Variants in AP3D1 observed in about 807,000 individuals in gnomAD.
The protein encoded by AP3D1 is adaptor related protein complex 3 subunit delta 1, also known as AP-3 complex subunit delta-1.
Under a neutral mutation model 147.6 loss-of-function variants are expected in AP3D1, and 51 were observed. That is an observed-to-expected ratio of 0.35 (90% CI 0.28 to 0.44). AP3D1 has a LOEUF of 0.44. Among genes scored for constraint, AP3D1 ranks in the 20% least tolerant of loss-of-function variants. The probability of loss-of-function intolerance (pLI) is 1.00; values close to 1 mark genes in which losing one functional copy is unlikely to be tolerated. For synonymous variants in AP3D1, 760 were observed against 663.0 expected (o/e 1.15, Z -2.25); for missense variants, 1,421 against 1,624.2 (o/e 0.87, Z 2.15).
Position 2,138,701 on chromosome 19 carries a change from G to T in AP3D1, c.110C>A (p.Ser37Tyr). The T allele has an allele frequency of 6.2e-7, 1 of 1,612,904 alleles. No homozygotes were observed. Among genetic ancestry groups the T allele is most frequent in the Non-Finnish European group, 8.5e-7 (1 of 1,179,634 alleles). The change falls in exon 2 of 32, where the codon TCT becomes TAT. Residue 37 changes from serine to tyrosine, a missense_variant. Ser to Tyr is a moderately radical substitution (Grantham distance 144). Transcript: ENST00000643116. ...CTGCTTGATCTCATCAATGCACTGA[G>T]ATATGTATTTTGCCTATAATGGGGG... ...NHKEDEAKYI[S>Y]QCIDEIKQEL...
At chr19:2,116,573 C>A in intron 17 of AP3D1, 32 bp downstream of exon 17, 1 of 1,544,054 alleles carries the variant, frequency 6.5e-7, no homozygotes, top group Admixed American at 1.9e-5. Context: ...AGGGAGGAGA[C>A]GAGGGCTCGC....
chr19:2,147,586 CAAAAAAG>C lies in AP3D1; in HGVS notation c.96+3646_96+3652del, dbSNP rs1393373794. On this transcript the variant is annotated intron_variant, in intron 1 of 31. Transcript: ENST00000643116. Reference sequence around the variant, plus strand: ...AAAAACAAGAAGAAGAAAAAAAAAACAAAAAAGAAAAAAGAAAAAGAATATATGGGCT... The same window carrying C: ...AAAAACAAGAAGAAGAAAAAAAAAACAAAAAAGAAAAAGAATATATGGGCT... Among the ~76,000 whole-genome samples the C allele has an allele frequency of 2.7e-5, 4 of 148,272 alleles. No individual in the cohort carries two copies. In the East Asian group the frequency reaches 5.9e-4, roughly 22 times the overall value.
upstream of AP3D1, among the ~76,000 whole-genome samples, chr19:2,152,690 A>G (rs764757800): frequency 2.0e-5 from 3 of 152,010 alleles, no homozygotes; most frequent in Non-Finnish European, 4.4e-5. Flanking sequence ...AGCCTGGCCA[A>G]TATGGTGAAA....
chr19:2,119,649 TCA>T (rs1374329463), intron 14 of AP3D1, among the ~76,000 whole-genome samples: 1 of 129,718 alleles, frequency 7.7e-6, no homozygotes, highest in East Asian at 2.3e-4. Context: ...TGAGCCGAGA[TCA>T]TGCCACTGCA....
Position 2,121,285 on chromosome 19 carries a change from GATCTCCATCAGGTTCTTC to G in AP3D1, c.1110_1127del (p.Lys370_Ile376delinsAsn), listed in dbSNP as rs1568287639. On this transcript the variant is annotated inframe_deletion, in exon 13 of 32. Transcript: ENST00000643116. ...CTACGTGGGTCATCAGCTTCTTCACGATCTCCATCAGGTTCTTCTTGGACACCTGGGCAAAAGTGTACA... is the reference window on the plus strand; with the variant it reads ...CTACGTGGGTCATCAGCTTCTTCACGTTGGACACCTGGGCAAAAGTGTACA... The G allele has an allele frequency of 6.2e-7, 1 of 1,614,168 alleles. No homozygotes were observed.
intron 1 of AP3D1, among the ~76,000 whole-genome samples, chr19:2,158,013 C>G (rs1599507411): frequency 6.6e-6 from 1 of 152,084 alleles, no homozygotes; most frequent in African/African-American, 2.4e-5. Context: ...TGTTGTACCC[C>G]ACATGTGCTC....
At chr19:2,161,377 G>A (rs1254080846) in intron 1 of AP3D1, among the ~76,000 whole-genome samples, 1 of 151,782 alleles carries the variant, frequency 6.6e-6, no homozygotes, top group East Asian at 1.9e-4. Context: ...GGCCAGGCTG[G>A]TCTCGAACTC....
chr19:2,117,771 T>G (rs1190674733), intron 15 of AP3D1, among the ~76,000 whole-genome samples: 1 of 152,208 alleles, frequency 6.6e-6, no homozygotes, highest in African/African-American at 2.4e-5. Context: ...AGCCCCGAGC[T>G]AATGCCACCG....
chr19:2,160,760 G>A (rs2019690236), intron 1 of AP3D1, among the ~76,000 whole-genome samples: 1 of 152,104 alleles, frequency 6.6e-6, no homozygotes, highest in African/African-American at 2.4e-5. Context: ...TGTTAGACCA[G>A]GATCTCTCCC....
intron 1 of AP3D1, among the ~76,000 whole-genome samples, chr19:2,158,129 C>T (rs2019663592): frequency 6.6e-6 from 1 of 152,048 alleles, no homozygotes; most frequent in Non-Finnish European, 1.5e-5. Context: ...GATCTCGGCT[C>T]ACTGCAAGCT....
chr19:2,145,645 G>A (rs2019337033), intron 1 of AP3D1, among the ~76,000 whole-genome samples: 2 of 151,964 alleles, frequency 1.3e-5, no homozygotes, highest in African/African-American at 2.4e-5. Flanking sequence ...GGTCTTCCTG[G>A]CTCTCCAAAG....
In AP3D1 at chr19:2,151,522, C is replaced by G. The variant is rs1024817897; in HGVS notation, c.-188G>C. ...GCGGCGACCCGCTCGGCAGGTGCCG[C>G]GATCCCGCTCCGGGCCCCTTGCAAA... On this transcript the variant is annotated 5_prime_UTR_variant, in exon 1 of 32. Coordinates refer to ENST00000643116, the MANE Select transcript of AP3D1 (RefSeq NM_001261826.3). The G allele has an allele frequency of 3.4e-4, 58 of 170,534 alleles. No individual in the cohort carries two copies. The highest frequency in any genetic ancestry group is 1.4e-3 in the African/African-American group (57 of 41,842). The allele number at this position is 170,534 out of a possible 1,614,324, so 10.6% of individuals were successfully genotyped here.
At chr19:2,129,788 C>T (rs1461795415) in intron 6 of AP3D1, among the ~76,000 whole-genome samples, 7 of 152,244 alleles carry the variant, frequency 4.6e-5, no homozygotes. Flanking sequence ...AAACAGCTGC[C>T]CAGCCATCGG....
At position 2,101,848 on chromosome 19, in the gene AP3D1, A is replaced by G; in HGVS notation, c.*325T>C. On this transcript the variant is annotated 3_prime_UTR_variant, in exon 32 of 32. Coordinates refer to ENST00000643116, the MANE Select transcript of AP3D1 (RefSeq NM_001261826.3). The stretch of plus-strand genomic sequence containing the variant: ...CGTGGTGCCCATCAGGCCCTGGCCC[A>G]GGACAGGAGCCCCTGAAGCCACATT... The G allele has an allele frequency of 3.1e-6, 1 of 323,332 alleles. No homozygotes were observed. The highest frequency in any genetic ancestry group is 5.8e-6 in the Non-Finnish European group (1 of 172,732). 20.0% of individuals were successfully genotyped at this position (323,332 alleles called of 1,614,324 possible).
At chr19:2,122,535 G>A (rs1476504120) in intron 11 of AP3D1, among the ~76,000 whole-genome samples, 2 of 152,378 alleles carry the variant, frequency 1.3e-5, no homozygotes, top group African/African-American at 2.4e-5. Flanking sequence ...CACGGCGGGC[G>A]GTACTGAGAC....
intron 2 of AP3D1, among the ~76,000 whole-genome samples, chr19:2,138,069 G>T (rs2019123699): frequency 6.6e-6 from 1 of 152,200 alleles, no homozygotes; most frequent in Admixed American, 6.5e-5. Context: ...GGCGCTTACG[G>T]GTACTGGCTA....
In AP3D1 at chr19:2,103,586, C is replaced by G. The variant is rs576374440; in HGVS notation, c.3553-1318G>C. 6.6e-5 allele frequency among the ~76,000 whole-genome samples: 10 copies of G among 152,336 alleles called. No individual in the cohort carries two copies. In the South Asian group the frequency reaches 1.2e-3, roughly 19 times the overall value. On this transcript the variant is annotated intron_variant, in intron 31 of 31. Transcript: ENST00000643116. ...CCGTTCCAAAGAGCAACCGAAGGCA[C>G]TGAGTCCAGAGGCCGCTGCCGGGTC...
intron 1 of AP3D1, among the ~76,000 whole-genome samples, chr19:2,141,473 C>T (rs2019218670): frequency 1.4e-5 from 2 of 148,062 alleles, no homozygotes; most frequent in South Asian, 4.3e-4. Flanking sequence ...CTTGCTCTGT[C>T]ACCAGGCTGG....
intron 5 of AP3D1, among the ~76,000 whole-genome samples, chr19:2,131,940 CTG>C: frequency 6.6e-6 from 1 of 152,244 alleles, no homozygotes; most frequent in Admixed American, 6.5e-5. Context: ...CCGCTCCACA[CTG>C]TTAATCTGGC....
Sources: allele counts gnomAD v4.1 joint callset (sites outside exome capture counted in the v4.1 genomes callset), GRCh38; gene constraint gnomAD v4.1.1; transcripts MANE v1.5; gene names NCBI Gene and HGNC (gene_info 2026-07-23, HGNC 2026-07-21).